The following TOP1MT variants were observed in gnomAD, a reference collection of about 807,000 sequenced individuals.
TOP1MT encodes DNA topoisomerase I, mitochondrial.
TOP1MT carries 80 observed loss-of-function variants against 73.9 expected under a neutral mutation model. The observed-to-expected ratio is 1.08, with a 90% CI of 0.90 to 1.30. The LOEUF is 1.30. Among genes scored for constraint, TOP1MT ranks in the 50% most tolerant of loss-of-function variants. The pLI is 0.00. For synonymous variants in TOP1MT, 338 were observed against 326.4 expected (o/e 1.04, Z -0.38); for missense variants, 815 against 808.0 (o/e 1.01, Z -0.10).
chr8:143,310,849 C>T (rs189989884), intron 12 of TOP1MT, among the ~76,000 whole-genome samples: 210 of 152,208 alleles, frequency 1.4e-3, no homozygotes, highest in African/African-American at 4.4e-3. Flanking sequence ...CCCCAGGGGC[C>T]GAGGGACACA....
At chr8:143,359,324 C>T (rs1045635429), upstream of TOP1MT, 2 of 985,196 alleles carry the variant, frequency 2.0e-6, no homozygotes, top group African/African-American at 1.8e-5. Context: ...CAGGTCACCA[C>T]GCCAGGAGAA....
chr8:143,342,519 TAGAG>T (rs1240082383), intron 2 of TOP1MT, among the ~76,000 whole-genome samples: 1 of 132,696 alleles, frequency 7.5e-6, no homozygotes, highest in Non-Finnish European at 1.6e-5. Flanking sequence ...TTATTATTAT[TAGAG>T]ACAGAGTCTC....
Position 143,344,910 on chromosome 8 carries a change from C to CAGCA in TOP1MT, c.-39+2_-39+5dup, listed in dbSNP as rs926579316. 6.6e-6 allele frequency: 1 copy of CAGCA among 152,404 alleles called. No individual in the cohort carries two copies. The highest frequency in any genetic ancestry group is 1.5e-5 in the Non-Finnish European group (1 of 68,202). 9.4% of individuals were successfully genotyped at this position (152,404 alleles called of 1,614,324 possible). On this transcript the variant is annotated splice_donor_region_variant and intron_variant, in intron 1 of 5. Transcript: ENST00000518007. The surrounding 1 kb of genome is among the most constrained non-coding windows in gnomAD (Gnocchi z 4.6). ...GATGGGCGTCAAGGGAGGAGCCACC[C>CAGCA]AGCACCTGGAGAGCAGCTGTGGTCA...
chr8:143,332,256 G>A (rs1816877767), intron 1 of TOP1MT, among the ~76,000 whole-genome samples: 1 of 152,234 alleles, frequency 6.6e-6, no homozygotes, highest in Non-Finnish European at 1.5e-5. Context: ...AGATGGGCCT[G>A]GGAGAAGAGG....
intron 5 of TOP1MT, among the ~76,000 whole-genome samples, chr8:143,325,136 C>T (rs1020785910): frequency 9.2e-5 from 14 of 152,236 alleles, no homozygotes; most frequent in African/African-American, 3.1e-4. Flanking sequence ...TCAGCCATAG[C>T]AAGGCGAGGA....
In TOP1MT at chr8:143,326,210, A is replaced by G. The variant is rs1352895467; in HGVS notation, c.483+12T>C. ...GCCACTTCAGGTCACACAACGCTCG[A>G]GGCAGCCCAACCTGCTTCTCCTCCC... On this transcript the variant is annotated intron_variant, in intron 4 of 13. Coordinates refer to ENST00000329245, the MANE Select transcript of TOP1MT (RefSeq NM_052963.3). 6 of 1,613,484 alleles carry G rather than the reference A, an allele frequency of 3.7e-6. No individual in the cohort carries two copies. The highest frequency in any genetic ancestry group is 2.2e-5 in the East Asian group (1 of 44,876).
chr8:143,350,064 C>T (rs1352566327), intron 1 of TOP1MT: 1 of 152,254 alleles, frequency 6.6e-6, no homozygotes, highest in Non-Finnish European at 1.5e-5. Context: ...CCTCTTCTCT[C>T]CCCACTGGGT....
At chr8:143,324,283 T>C in intron 6 of TOP1MT, 141 bp from the exon 7 acceptor site, 1 of 1,371,170 alleles carries the variant, frequency 7.3e-7, no homozygotes, top group East Asian at 2.3e-5. Flanking sequence ...CAAATCTAGC[T>C]GGGTGATGCC....
At chr8:143,338,380 C>A (rs572328962), upstream of TOP1MT, among the ~76,000 whole-genome samples, 2 of 152,230 alleles carry the variant, frequency 1.3e-5, no homozygotes, top group South Asian at 4.1e-4. Flanking sequence ...CCAGCCTGAC[C>A]AACATGGAGA....
intron 7 of TOP1MT, among the ~76,000 whole-genome samples, chr8:143,321,772 AC>A (rs1412436279): frequency 8.3e-6 from 1 of 120,256 alleles, no homozygotes; most frequent in Non-Finnish European, 1.7e-5. Context: ...GGCACGCCAC[AC>A]ACACGCACGC....
At chr8:143,345,523 C>T (rs112941246), upstream of TOP1MT, among the ~76,000 whole-genome samples, 309 of 152,332 alleles carry the variant, frequency 2.0e-3, 1 homozygote, top group African/African-American at 7.1e-3. Context: ...TCACACCCCA[C>T]GTGGAACAGG....
intron 1 of TOP1MT, among the ~76,000 whole-genome samples, chr8:143,354,064 G>T (rs2450754): frequency 6.8e-6 from 1 of 146,624 alleles, no homozygotes; most frequent in African/African-American, 2.5e-5. Flanking sequence ...CTACATACCC[G>T]AAAGCACTGC....
chr8:143,317,237 G>A (rs559213440), intron 10 of TOP1MT, among the ~76,000 whole-genome samples: 2 of 152,296 alleles, frequency 1.3e-5, no homozygotes, highest in Admixed American at 1.3e-4. Context: ...GACAGAGGGA[G>A]GAGAGGCCCT....
At chr8:143,324,683 C>G in intron 5 of TOP1MT, 54 bp from the exon 6 acceptor site, 2 of 1,588,252 alleles carry the variant, frequency 1.3e-6, no homozygotes, top group Non-Finnish European at 8.6e-7. Context: ...CTCTGGAATG[C>G]AAGCAAAAGG....
At position 143,323,983 on chromosome 8, in the gene TOP1MT, C is replaced by A. The variant is rs753300396; in HGVS notation, c.960+16G>T. 8 of 1,611,260 alleles carry A rather than the reference C, an allele frequency of 5.0e-6. No homozygotes were observed. The highest frequency in any genetic ancestry group is 2.2e-5 in the South Asian group (2 of 91,008). On this transcript the variant is annotated intron_variant, in intron 7 of 13. Coordinates refer to ENST00000329245, the MANE Select transcript of TOP1MT (RefSeq NM_052963.3). The stretch of plus-strand genomic sequence containing the variant: ...ACCAGGATGAAGAGCCGCCAGGAAG[C>A]GAGAAGGCCGCATACCTTATCGATG...
At chr8:143,331,402 C>G (rs1220700951) in intron 1 of TOP1MT, 63 bp from the exon 2 acceptor site, 2 of 1,406,628 alleles carry the variant, frequency 1.4e-6, no homozygotes, top group Admixed American at 3.7e-5. Context: ...CTCTTCCCCG[C>G]TCCCACAGTG....
upstream of TOP1MT, chr8:143,358,728 G>A (rs888700728): frequency 2.2e-4 from 33 of 152,194 alleles, no homozygotes; most frequent in African/African-American, 7.7e-4. Context: ...GTTCCACAGA[G>A]GTGAGCCTGG....
chr8:143,339,252 T>G (rs981800456), upstream of TOP1MT, among the ~76,000 whole-genome samples: 13 of 152,166 alleles, frequency 8.5e-5, no homozygotes, highest in Admixed American at 5.9e-4. Context: ...TCAACCAAAA[T>G]ACTGTCATTC....
chr8:143,317,728 G>C lies in TOP1MT; in HGVS notation c.1325C>G (p.Thr442Arg). The C allele has an allele frequency of 6.2e-7, 1 of 1,613,468 alleles. No individual in the cohort carries two copies. The highest frequency in any genetic ancestry group is 1.1e-5 in the South Asian group (1 of 91,070). Reference protein sequence around the residue: ...ITLQEQLRALTRAEDSIAAKI... With the variant: ...ITLQEQLRALRRAEDSIAAKI... The stretch of plus-strand genomic sequence containing the variant: ...TGGGTGTGGGGCAGGCTCACCGCGC[G>C]TCAGGGCCCGCAGCTGCTCCTGCAG... Residue 442 changes from threonine to arginine, a missense_variant, in exon 10 of 14, where the codon ACG becomes AGG. By Grantham distance (71) the Thr-to-Arg change is moderately conservative. This residue lies in a region of TOP1MT where 751 missense variants were observed against 725.4 expected (regional missense o/e 1.04). Coordinates refer to ENST00000329245, the MANE Select transcript of TOP1MT (RefSeq NM_052963.3).
Sources: gnomAD v4.1 joint callset for allele counts (sites outside exome capture counted in the v4.1 genomes callset) on GRCh38, gnomAD v4.1.1 for gene constraint, gnomAD v4.1.1 regional missense constraint, Gnocchi (gnomAD v3.1) non-coding constraint, MANE v1.5 for transcripts, NCBI Gene and HGNC (gene_info 2026-07-23, HGNC 2026-07-21) for gene names.